DCC: variants seen among roughly 807,000 people sequenced by gnomAD.
DCC encodes DCC netrin 1 receptor, also known as netrin receptor DCC.
In DCC, 58 loss-of-function variants were observed where a neutral mutation model predicts 172.5. That is an observed-to-expected ratio of 0.34 (90% CI 0.27 to 0.42). The LOEUF (loss-of-function observed/expected upper bound fraction) is 0.42, where lower values mean the gene tolerates loss of function less well. Ranked by LOEUF, DCC falls within the 10% of genes least tolerant of loss-of-function variation. DCC has a pLI of 1.00. For missense variants in DCC, 1,740 were observed against 1,791.0 expected, an observed-to-expected ratio of 0.97 and a Z score of 0.51; for synonymous variants, 709 against 644.5, an observed-to-expected ratio of 1.10 and a Z score of -1.52.
chr18:52,549,616 G>C, intron 1 of DCC, among the ~76,000 whole-genome samples: 1 of 151,984 alleles, frequency 6.6e-6, no homozygotes, highest in East Asian at 1.9e-4. Context: ...AGAGTAATAA[G>C]GTAACTGACC....
chr18:53,040,555 A>T (rs2042155677), intron 5 of DCC, among the ~76,000 whole-genome samples: 1 of 152,002 alleles, frequency 6.6e-6, no homozygotes, highest in Admixed American at 6.6e-5. Context: ...CTAAATCTTT[A>T]GAAGTAGTGG....
intron 2 of DCC, among the ~76,000 whole-genome samples, chr18:52,792,763 CCATTCT>C (rs1475510878): frequency 3.6e-4 from 41 of 112,648 alleles, no homozygotes; most frequent in Middle Eastern, 8.2e-3. Context: ...TGATTCTATT[CCATTCT>C]ATTCCATTCC....
chr18:53,094,693 A>AGAC (rs1465287429), intron 7 of DCC, among the ~76,000 whole-genome samples: 1 of 152,238 alleles, frequency 6.6e-6, no homozygotes, highest in Non-Finnish European at 1.5e-5. Flanking sequence ...TGGAGCAGAG[A>AGAC]GACCATTTGG....
chr18:52,732,567 G>A (rs4939702), intron 1 of DCC, among the ~76,000 whole-genome samples: 55,995 of 152,078 alleles, frequency 0.37, 11,667 homozygotes, highest in East Asian at 0.57. Context: ...CTTTTCTGCT[G>A]CAATAACGAA....
intron 1 of DCC, among the ~76,000 whole-genome samples, chr18:52,382,390 T>C (rs1985623039): frequency 6.6e-6 from 1 of 152,182 alleles, no homozygotes; most frequent in Non-Finnish European, 1.5e-5. Flanking sequence ...ATACTTTTGT[T>C]ATATTCTATT....
chr18:52,826,294 G>T (rs2038507191), intron 2 of DCC, among the ~76,000 whole-genome samples: 1 of 152,116 alleles, frequency 6.6e-6, no homozygotes. Context: ...GGAACAGTTA[G>T]GGCAAGAGAT....
chr18:53,017,256 A>G (rs183548436), intron 5 of DCC, among the ~76,000 whole-genome samples: 1 of 152,080 alleles, frequency 6.6e-6, no homozygotes, highest in African/African-American at 2.4e-5. Context: ...TACAAATGTT[A>G]ATTTTCTTAT....
chr18:53,053,533 G>T (rs1233347623), intron 5 of DCC, among the ~76,000 whole-genome samples: 1 of 152,088 alleles, frequency 6.6e-6, no homozygotes, highest in African/African-American at 2.4e-5. Flanking sequence ...CTACTAATAA[G>T]AAATGGGAAA....
intron 1 of DCC, among the ~76,000 whole-genome samples, chr18:52,693,472 A>G (rs1457134236): frequency 7.4e-6 from 1 of 134,964 alleles, no homozygotes; most frequent in Non-Finnish European, 1.7e-5. Context: ...GTGTCTGTAT[A>G]TATAATATAA....
chr18:53,021,102 C>G (rs2041873862), intron 5 of DCC, among the ~76,000 whole-genome samples: 1 of 151,966 alleles, frequency 6.6e-6, no homozygotes, highest in Admixed American at 6.5e-5. Flanking sequence ...CACTGACGGC[C>G]TGAGGGAAAG....
At chr18:52,888,138 C>T (rs2039595468) in intron 2 of DCC, among the ~76,000 whole-genome samples, 3 of 152,210 alleles carry the variant, frequency 2.0e-5, no homozygotes, top group Non-Finnish European at 4.4e-5. Flanking sequence ...TAGCACTGAG[C>T]ATGCCCTCCC....
chr18:52,451,675 C>CGT (rs900758477), intron 1 of DCC, among the ~76,000 whole-genome samples: 19 of 151,634 alleles, frequency 1.3e-4, no homozygotes, highest in African/African-American at 4.6e-4. Context: ...AGTGTGTGGG[C>CGT]GTGTGTGTGT....
At chr18:52,881,126 T>C (rs1275273317) in intron 2 of DCC, among the ~76,000 whole-genome samples, 5 of 152,194 alleles carry the variant, frequency 3.3e-5, no homozygotes, top group Non-Finnish European at 5.9e-5. Context: ...TTGAGCACTT[T>C]TTCATATGCC....
chr18:52,817,355 T>C (rs1237903709), intron 2 of DCC, among the ~76,000 whole-genome samples: 1 of 152,148 alleles, frequency 6.6e-6, no homozygotes, highest in East Asian at 1.9e-4. Flanking sequence ...GCATCGAAAT[T>C]TTATAGATAC....
chr18:53,263,906 T>C (rs1277132082), intron 12 of DCC, among the ~76,000 whole-genome samples: 3 of 152,134 alleles, frequency 2.0e-5, no homozygotes, highest in Non-Finnish European at 2.9e-5. Context: ...AACCTTTTTA[T>C]TTTTTAAAGG....
intron 13 of DCC, among the ~76,000 whole-genome samples, chr18:53,308,708 C>T (rs2057230755): frequency 6.6e-6 from 1 of 152,134 alleles, no homozygotes; most frequent in African/African-American, 2.4e-5. Context: ...AGGACTTTCC[C>T]TCTGTTTAAG....
Position 53,386,044 on chromosome 18 carries a change from G to T in DCC, c.2361G>T (p.Glu787Asp), listed in dbSNP as rs1393576236. ...ATATTGTTTCTGTTTTTTCTCCAGA[G>T]TCAAGTTCCCATTATGTAATCTCCC... is the stretch of plus-strand genomic sequence containing the variant. The part of the protein sequence containing the change: ...KQRYYSIERL[E>D]SSSHYVISLK... The change falls in exon 16 of 29, where the codon GAG becomes GAT. Residue 787 changes from glutamate to aspartate, a missense_variant and splice_region_variant. Physicochemically the swap from Glu to Asp is conservative, Grantham distance 45. This residue lies in a region of DCC where 1,732 missense variants were observed against 1,767.4 expected (regional missense o/e 0.98). Coordinates refer to ENST00000442544, the MANE Select transcript of DCC (RefSeq NM_005215.4). The T allele has an allele frequency of 1.2e-6, 2 of 1,601,524 alleles. No individual in the cohort carries two copies. Among genetic ancestry groups the T allele is most frequent in the Non-Finnish European group, 1.7e-6 (2 of 1,168,750 alleles).
chr18:53,152,540 G>A (rs1345090735), intron 7 of DCC, among the ~76,000 whole-genome samples: 1 of 151,022 alleles, frequency 6.6e-6, no homozygotes, highest in Non-Finnish European at 1.5e-5. Flanking sequence ...ACCCTTTCCT[G>A]GATTTGGCTA....
chr18:53,529,447 A>G (rs996078221), intron 28 of DCC, among the ~76,000 whole-genome samples: 1 of 152,194 alleles, frequency 6.6e-6, no homozygotes, highest in Non-Finnish European at 1.5e-5. Context: ...GCGCTAGCCA[A>G]GAATAATAAG....
Sources: gnomAD v4.1 joint callset for allele counts (sites outside exome capture counted in the v4.1 genomes callset) on GRCh38, gnomAD v4.1.1 for gene constraint, gnomAD v4.1.1 regional missense constraint, MANE v1.5 for transcripts, NCBI Gene and HGNC (gene_info 2026-07-23, HGNC 2026-07-21) for gene names.